The following PRKN variants were observed in gnomAD, a reference collection of about 807,000 sequenced individuals.
The protein encoded by PRKN is parkin RBR E3 ubiquitin protein ligase.
Under a neutral mutation model 59.5 loss-of-function variants are expected in PRKN, and 56 were observed. The observed-to-expected ratio is 0.94, with a 90% CI of 0.76 to 1.18. PRKN has a LOEUF of 1.18. Among genes scored for constraint, PRKN ranks in the 50% most tolerant of loss-of-function variants. The pLI is 0.00. For missense variants in PRKN, 657 were observed against 596.4 expected, an observed-to-expected ratio of 1.10 and a Z score of -1.06; for synonymous variants, 250 against 222.1, an observed-to-expected ratio of 1.13 and a Z score of -1.12.
At chr6:162,544,672 A>ATTTTTTTT (rs11296683) in intron 1 of PRKN, among the ~76,000 whole-genome samples, 2 of 71,510 alleles carry the variant, frequency 2.8e-5, no homozygotes, top group African/African-American at 6.0e-5. Flanking sequence ...TTTATTGTTG[A>ATTTTTTTT]TTTTTTTTTT....
intron 4 of PRKN, among the ~76,000 whole-genome samples, chr6:162,191,926 T>C (rs891003149): frequency 7.2e-5 from 11 of 152,158 alleles, no homozygotes; most frequent in African/African-American, 2.7e-4. Context: ...ATCTGCTGTG[T>C]GAGTGCCTGA....
At chr6:162,722,439 C>T (rs1030728776) in intron 1 of PRKN, among the ~76,000 whole-genome samples, 6 of 152,126 alleles carry the variant, frequency 3.9e-5, no homozygotes, top group South Asian at 2.1e-4. Context: ...TCACATGAGT[C>T]TCTTTAATAT....
At chr6:161,965,068 T>C (rs1229659265) in intron 6 of PRKN, among the ~76,000 whole-genome samples, 2 of 152,032 alleles carry the variant, frequency 1.3e-5, no homozygotes, top group Non-Finnish European at 2.9e-5. Flanking sequence ...AATGAAAGCA[T>C]ACCAAAATCC....
At chr6:161,653,664 T>C (rs1784231604) in intron 7 of PRKN, among the ~76,000 whole-genome samples, 1 of 152,210 alleles carries the variant, frequency 6.6e-6, no homozygotes, top group African/African-American at 2.4e-5. Context: ...CACCACAGAA[T>C]AGAGAAGTAC....
At chr6:161,823,192 C>T (rs1464062070) in intron 6 of PRKN, among the ~76,000 whole-genome samples, 2 of 151,652 alleles carry the variant, frequency 1.3e-5, no homozygotes, top group Non-Finnish European at 2.9e-5. Context: ...CTGCCTTGTT[C>T]CCCCAAAGTA....
rs1159626168 is a variant in PRKN at position 162,158,234 on chromosome 6, T to A, written c.534+42897A>T. Among the ~76,000 whole-genome samples the A allele has an allele frequency of 4.6e-5, 7 of 152,148 alleles. No homozygotes were observed. In the South Asian group the frequency reaches 1.0e-3, roughly 23 times the overall value. On this transcript the variant is annotated intron_variant, in intron 4 of 11. Coordinates refer to ENST00000366898, the MANE Select transcript of PRKN (RefSeq NM_004562.3). ...TATAGTTCTAAATAATAAATTCAGT[T>A]TTCTGTCTCAACGGTTGTTCTCTTC... is the stretch of plus-strand genomic sequence containing the variant.
At chr6:161,856,509 T>C (rs892884394) in intron 6 of PRKN, among the ~76,000 whole-genome samples, 2 of 152,158 alleles carry the variant, frequency 1.3e-5, no homozygotes, top group African/African-American at 4.8e-5. Context: ...TATAACATCA[T>C]ATTTCATTTA....
intron 10 of PRKN, among the ~76,000 whole-genome samples, chr6:161,382,554 G>A (rs1183432288): frequency 6.6e-6 from 1 of 152,204 alleles, no homozygotes; most frequent in Non-Finnish European, 1.5e-5. Context: ...TTTTGCAAGA[G>A]CAAGTGTGTA....
chr6:162,151,008 T>C (rs749268774), intron 4 of PRKN, among the ~76,000 whole-genome samples: 1 of 152,048 alleles, frequency 6.6e-6, no homozygotes, highest in African/African-American at 2.4e-5. Context: ...TGGCAAAGCA[T>C]AGGAAAGCCA....
Position 162,321,377 on chromosome 6 carries a change from A to T in PRKN, c.172-58612T>A, listed in dbSNP as rs751678876. Among the ~76,000 whole-genome samples the T allele has an allele frequency of 3.3e-5, 5 of 151,946 alleles. No homozygotes were observed. The East Asian group carries it at 7.7e-4, about 24-fold the overall frequency. Reference sequence around the variant, plus strand: ...ACTTATGTCTATTGAAGAAACTGATACTGCATTAAAAAACCTCAAACGAAG... The same window carrying T: ...ACTTATGTCTATTGAAGAAACTGATTCTGCATTAAAAAACCTCAAACGAAG... On this transcript the variant is annotated intron_variant, in intron 2 of 11. Transcript: ENST00000366898.
chr6:162,533,251 C>T (rs570665448), intron 1 of PRKN, among the ~76,000 whole-genome samples: 9 of 152,260 alleles, frequency 5.9e-5, no homozygotes, highest in South Asian at 2.1e-4. Flanking sequence ...TGGCTGGGCG[C>T]GGTGGCTCAC....
At chr6:162,326,392 T>C (rs1783279736) in intron 2 of PRKN, among the ~76,000 whole-genome samples, 1 of 152,104 alleles carries the variant, frequency 6.6e-6, no homozygotes, top group African/African-American at 2.4e-5. Context: ...CTTTTATCAT[T>C]TGCCTTAGGA....
chr6:161,505,864 T>A (rs1778147543), intron 9 of PRKN, among the ~76,000 whole-genome samples: 1 of 147,152 alleles, frequency 6.8e-6, no homozygotes, highest in Non-Finnish European at 1.5e-5. Flanking sequence ...CTGAGGGCTC[T>A]GTTCTGTTCC....
At chr6:161,701,432 T>A (rs1786245983) in intron 7 of PRKN, among the ~76,000 whole-genome samples, 1 of 152,166 alleles carries the variant, frequency 6.6e-6, no homozygotes, top group African/African-American at 2.4e-5. Context: ...AAGTTGCTGA[T>A]TTTTTATACC....
intron 3 of PRKN, among the ~76,000 whole-genome samples, chr6:162,258,059 GCCTC>G (rs1779727480): frequency 6.6e-6 from 1 of 152,090 alleles, no homozygotes; most frequent in Non-Finnish European, 1.5e-5. Flanking sequence ...AGTTGCTGTC[GCCTC>G]TGCCATTTGG....
chr6:162,021,414 T>A (rs1489512278), intron 5 of PRKN, among the ~76,000 whole-genome samples: 1 of 144,686 alleles, frequency 6.9e-6, no homozygotes, highest in African/African-American at 2.5e-5. Flanking sequence ...CTCTCATACT[T>A]TTTGATGTCC....
intron 5 of PRKN, among the ~76,000 whole-genome samples, chr6:161,992,523 C>T (rs186668342): frequency 1.3e-5 from 2 of 152,228 alleles, no homozygotes; most frequent in East Asian, 1.9e-4. Flanking sequence ...GGCTTCAATG[C>T]CCCTATTTCA....
chr6:162,570,077 T>C (rs1262221804), intron 1 of PRKN, among the ~76,000 whole-genome samples: 3 of 152,042 alleles, frequency 2.0e-5, no homozygotes, highest in Non-Finnish European at 4.4e-5. Flanking sequence ...AATCAGAATA[T>C]ACAAGGAGCT....
intron 1 of PRKN, among the ~76,000 whole-genome samples, chr6:162,531,251 G>C (rs1270617355): frequency 1.3e-5 from 2 of 151,916 alleles, no homozygotes; most frequent in South Asian, 2.1e-4. Context: ...CCAGCTACTC[G>C]GGAGGCTGAG....
Sources: allele counts gnomAD v4.1 joint callset (sites outside exome capture counted in the v4.1 genomes callset), GRCh38; gene constraint gnomAD v4.1.1; transcripts MANE v1.5; gene names NCBI Gene and HGNC (gene_info 2026-07-23, HGNC 2026-07-21).